Variants in CSMD3 observed in about 807,000 individuals in gnomAD.
CSMD3 encodes the protein CUB and sushi domain-containing protein 3.
In CSMD3, 177 loss-of-function variants were observed where a neutral mutation model predicts 435.2. The observed-to-expected ratio is 0.41, with a 90% CI of 0.36 to 0.46. CSMD3 has a LOEUF of 0.46. Ranked by LOEUF, CSMD3 falls within the 20% of genes least tolerant of loss-of-function variation. The probability of loss-of-function intolerance (pLI) is 0.34; values close to 1 mark genes in which losing one functional copy is unlikely to be tolerated. For synonymous variants in CSMD3, 1,656 were observed against 1,520.5 expected, an observed-to-expected ratio of 1.09 and a Z score of -2.07; for missense variants, 4,265 against 4,504.6, an observed-to-expected ratio of 0.95 and a Z score of 1.52.
intron 52 of CSMD3, 143 bp from the exon 53 acceptor site, chr8:112,302,109 A>T (rs899239914): frequency 3.0e-6 from 2 of 659,016 alleles, no homozygotes; most frequent in Non-Finnish European, 2.7e-6. Flanking sequence ...TGTTTGAATG[A>T]GTGTGAAAGT....
intron 7 of CSMD3, among the ~76,000 whole-genome samples, chr8:112,965,899 A>G (rs1337757112): frequency 6.6e-6 from 1 of 151,922 alleles, no homozygotes; most frequent in East Asian, 1.9e-4. Flanking sequence ...GATAGAAAAT[A>G]AGGATGCTAT....
At chr8:112,670,759 T>C (rs2075637801) in intron 16 of CSMD3, among the ~76,000 whole-genome samples, 1 of 151,992 alleles carries the variant, frequency 6.6e-6, no homozygotes, top group South Asian at 2.1e-4. Flanking sequence ...TGAGATTCAG[T>C]GCTAAAATGG....
chr8:112,376,554 T>C (rs1180758399), intron 38 of CSMD3, among the ~76,000 whole-genome samples: 1 of 151,900 alleles, frequency 6.6e-6, no homozygotes, highest in Non-Finnish European at 1.5e-5. Flanking sequence ...GGTAATGGTG[T>C]TTCAGTGAGG....
intron 13 of CSMD3, among the ~76,000 whole-genome samples, chr8:112,783,811 T>G (rs924724063): frequency 1.3e-5 from 2 of 149,846 alleles, no homozygotes; most frequent in African/African-American, 4.9e-5. Context: ...TCAGATAAAA[T>G]AGATTTCAAG....
At chr8:112,272,772 A>G (rs1236586099) in intron 59 of CSMD3, among the ~76,000 whole-genome samples, 1 of 152,208 alleles carries the variant, frequency 6.6e-6, no homozygotes, top group South Asian at 2.1e-4. Context: ...TAATTTGATT[A>G]CCACATATAA....
intron 1 of CSMD3, among the ~76,000 whole-genome samples, chr8:113,341,390 T>A (rs2094117815): frequency 6.6e-6 from 1 of 152,136 alleles, no homozygotes. Flanking sequence ...ATTTCAATAA[T>A]CAGCTGAAAT....
At chr8:112,775,657 A>G (rs1315886598) in intron 13 of CSMD3, among the ~76,000 whole-genome samples, 3 of 151,930 alleles carry the variant, frequency 2.0e-5, no homozygotes, top group Non-Finnish European at 4.4e-5. Context: ...TCATATGATT[A>G]TTTAAATGTA....
At chr8:112,549,866 A>G (rs1055470798) in intron 27 of CSMD3, among the ~76,000 whole-genome samples, 19 of 152,154 alleles carry the variant, frequency 1.2e-4, no homozygotes, top group African/African-American at 4.3e-4. Flanking sequence ...ACACATTTGA[A>G]GAGTACTGGT....
intron 22 of CSMD3, among the ~76,000 whole-genome samples, chr8:112,620,884 T>C (rs999992776): frequency 1.3e-5 from 2 of 152,166 alleles, no homozygotes; most frequent in East Asian, 3.9e-4. Context: ...CATATCTCAT[T>C]GGTCTTTGGT....
At chr8:112,388,962 A>G (rs1341602927) in intron 36 of CSMD3, among the ~76,000 whole-genome samples, 2 of 152,160 alleles carry the variant, frequency 1.3e-5, no homozygotes, top group African/African-American at 4.8e-5. Context: ...ACAGATGTAG[A>G]AGAGAAAACA....
At chr8:112,404,747 A>C (rs1407819301) in intron 35 of CSMD3, among the ~76,000 whole-genome samples, 2 of 152,174 alleles carry the variant, frequency 1.3e-5, no homozygotes, top group Admixed American at 6.6e-5. Context: ...GTTATTAAAA[A>C]GTAATTTTAT....
intron 4 of CSMD3, among the ~76,000 whole-genome samples, chr8:113,135,421 T>C (rs1406355618): frequency 2.0e-5 from 3 of 151,838 alleles, no homozygotes; most frequent in East Asian, 1.9e-4. Flanking sequence ...TGATTATTCA[T>C]ATAAATTAAT....
intron 13 of CSMD3, among the ~76,000 whole-genome samples, chr8:112,773,264 A>T (rs2078166769): frequency 6.6e-6 from 1 of 152,104 alleles, no homozygotes; most frequent in Non-Finnish European, 1.5e-5. Flanking sequence ...ATCCTTGAAA[A>T]AGCAAGTAAA....
intron 4 of CSMD3, among the ~76,000 whole-genome samples, chr8:113,170,573 T>C (rs1442577859): frequency 3.3e-5 from 5 of 152,138 alleles, no homozygotes; most frequent in Admixed American, 1.3e-4. Context: ...GCGATATTAA[T>C]ACCTTCCTTA....
At chr8:113,020,206 A>G (rs906470261) in intron 5 of CSMD3, among the ~76,000 whole-genome samples, 1 of 151,186 alleles carries the variant, frequency 6.6e-6, no homozygotes, top group Admixed American at 6.6e-5. Context: ...ATATAATTCT[A>G]TAATGTATTA....
intron 27 of CSMD3, among the ~76,000 whole-genome samples, chr8:112,527,466 T>C (rs1018748902): frequency 6.6e-6 from 1 of 151,878 alleles, no homozygotes; most frequent in Non-Finnish European, 1.5e-5. Context: ...AAAGAATAAA[T>C]AGACAAATGT....
At position 113,207,157 on chromosome 8, in the gene CSMD3, T is replaced by C. The variant is rs1016509116; in HGVS notation, c.515-33241A>G. 2.2e-4 allele frequency among the ~76,000 whole-genome samples: 34 copies of C among 152,156 alleles called. 1 individual carries two copies. Among genetic ancestry groups the C allele is most frequent in the African/African-American group, 7.7e-4 (32 of 41,452 alleles). On this transcript the variant is annotated intron_variant, in intron 3 of 70. Transcript: ENST00000297405. ...GCTCTAACTTTATCTAAAAGAATTC[T>C]TCTTATCTTTCTTCATTGAAAACTT...
intron 32 of CSMD3, among the ~76,000 whole-genome samples, chr8:112,454,019 T>C (rs1024936578): frequency 6.6e-6 from 1 of 152,094 alleles, no homozygotes; most frequent in Non-Finnish European, 1.5e-5. Flanking sequence ...TAATCAATAA[T>C]TGGTGCTGGG....
chr8:112,889,756 C>T (rs1438335968), intron 10 of CSMD3, among the ~76,000 whole-genome samples: 1 of 151,648 alleles, frequency 6.6e-6, no homozygotes, highest in Non-Finnish European at 1.5e-5. Flanking sequence ...ACTCATTATA[C>T]ACTTTTTAAA....
Sources: gnomAD v4.1 joint callset for allele counts (sites outside exome capture counted in the v4.1 genomes callset) on GRCh38, gnomAD v4.1.1 for gene constraint, MANE v1.5 for transcripts, NCBI Gene and HGNC (gene_info 2026-07-23, HGNC 2026-07-21) for gene names.